Variants in TNFSF11 observed in about 807,000 individuals in gnomAD.
TNFSF11 encodes tumor necrosis factor ligand superfamily member 11.
Under a neutral mutation model 32.2 loss-of-function variants are expected in TNFSF11, and 12 were observed. The ratio of observed to expected loss-of-function variants is 0.37; its 90% CI spans 0.24 to 0.60. TNFSF11 has a LOEUF of 0.60. Among genes scored for constraint, TNFSF11 ranks in the 20% least tolerant of loss-of-function variants. The pLI is 0.66. For synonymous variants in TNFSF11, 172 were observed against 152.1 expected (o/e 1.13, Z -0.96); for missense variants, 345 against 398.0 (o/e 0.87, Z 1.13).
At chr13:42,599,795 C>T (rs1166081464) in intron 2 of TNFSF11, among the ~76,000 whole-genome samples, 2 of 152,146 alleles carry the variant, frequency 1.3e-5, no homozygotes, top group Non-Finnish European at 2.9e-5. Flanking sequence ...ATCTTGAACT[C>T]CTGACCTCAA....
intron 1 of TNFSF11, among the ~76,000 whole-genome samples, chr13:42,565,615 T>TA (rs1314515179): frequency 6.6e-6 from 1 of 152,324 alleles, no homozygotes; most frequent in East Asian, 1.9e-4. Flanking sequence ...AATTACAAGT[T>TA]ATTCTTATGT....
upstream of TNFSF11, among the ~76,000 whole-genome samples, chr13:42,572,205 G>T (rs573652612): frequency 6.6e-6 from 1 of 152,090 alleles, no homozygotes; most frequent in Non-Finnish European, 1.5e-5. Flanking sequence ...TGTAACATAC[G>T]GTCCCATATA....
intron 1 of TNFSF11, among the ~76,000 whole-genome samples, chr13:42,563,520 G>T (rs920778498): frequency 6.6e-6 from 1 of 152,098 alleles, no homozygotes; most frequent in Non-Finnish European, 1.5e-5. Flanking sequence ...AAAATTAGCT[G>T]GGTGTGGTGG....
intron 2 of TNFSF11, among the ~76,000 whole-genome samples, chr13:42,590,252 G>A (rs1174593781): frequency 1.3e-5 from 2 of 152,260 alleles, no homozygotes; most frequent in African/African-American, 4.8e-5. Flanking sequence ...GTGGCGAGTT[G>A]TTTAATATTG....
intron 1 of TNFSF11, among the ~76,000 whole-genome samples, chr13:42,580,857 C>A (rs545186927): frequency 6.6e-6 from 1 of 152,170 alleles, no homozygotes; most frequent in Non-Finnish European, 1.5e-5. Context: ...CAATTTCCCC[C>A]ATGAATCACG....
chr13:42,569,092 G>A (rs73174423), intron 2 of TNFSF11, among the ~76,000 whole-genome samples: 3 of 152,076 alleles, frequency 2.0e-5, no homozygotes, highest in African/African-American at 4.8e-5. Context: ...AACGCCCTCC[G>A]CCACGAAGGA....
chr13:42,578,995 A>G (rs1873455488), intron 1 of TNFSF11, among the ~76,000 whole-genome samples: 1 of 152,322 alleles, frequency 6.6e-6, no homozygotes, highest in African/African-American at 2.4e-5. Flanking sequence ...ATCTAGTTAA[A>G]ATGCATATTC....
At chr13:42,569,556 AAAAAAG>A (rs199614241), upstream of TNFSF11, among the ~76,000 whole-genome samples, 44,002 of 138,532 alleles carry the variant, frequency 0.32, 7,045 homozygotes, top group Non-Finnish European at 0.39. Flanking sequence ...TCAAAAAAAA[AAAAAAG>A]AAAAGAAAAG....
rs1873801503 is a variant in TNFSF11, at chr13:42,584,767, G to A, written c.387+3474G>A. On this transcript the variant is annotated intron_variant, in intron 2 of 4. Transcript: ENST00000398795. ...CTTAATTATACTGATAGGTTATTAT[G>A]ACTCACAGGATGAGTAGAACTTTAT... Among the ~76,000 whole-genome samples, 4 of 152,324 alleles carry A rather than the reference G, an allele frequency of 2.6e-5. No individual in the cohort carries two copies. In the South Asian group the frequency reaches 8.3e-4, roughly 32 times the overall value.
At chr13:42,579,636 A>C (rs1370486116) in intron 1 of TNFSF11, among the ~76,000 whole-genome samples, 2 of 146,596 alleles carry the variant, frequency 1.4e-5, no homozygotes, top group African/African-American at 5.0e-5. Flanking sequence ...GTCTAAACCC[A>C]GTGACCCTTC....
At chr13:42,594,923 T>A (rs1366245957) in intron 2 of TNFSF11, among the ~76,000 whole-genome samples, 1 of 151,322 alleles carries the variant, frequency 6.6e-6, no homozygotes, top group African/African-American at 2.4e-5. Flanking sequence ...AGCATTTTTT[T>A]ATGAGTTAAA....
upstream of TNFSF11, among the ~76,000 whole-genome samples, chr13:42,572,030 A>T (rs1873087247): frequency 6.6e-6 from 1 of 152,206 alleles, no homozygotes; most frequent in African/African-American, 2.4e-5. Flanking sequence ...GTGAATGTTG[A>T]CAAAGGAATA....
chr13:42,563,016 G>A (rs1872726852), intron 1 of TNFSF11: 1 of 152,224 alleles, frequency 6.6e-6, no homozygotes, highest in African/African-American at 2.4e-5. Context: ...CAGCTAGGGA[G>A]AGGGAGTTTC....
intron 4 of TNFSF11, among the ~76,000 whole-genome samples, chr13:42,604,952 T>C (rs1594482923): frequency 6.6e-6 from 1 of 152,144 alleles, no homozygotes; most frequent in East Asian, 1.9e-4. Context: ...CCCAGCTAAT[T>C]TTTTGTATTT....
At position 42,607,206 on chromosome 13, in the gene TNFSF11, G is replaced by T; in HGVS notation, c.*288G>T. 5.7e-6 allele frequency: 2 copies of T among 353,682 alleles called. No homozygotes were observed. The highest frequency in any genetic ancestry group is 6.6e-5 in the South Asian group (2 of 30,392). The allele number at this position is 353,682 out of a possible 1,614,324, so 21.9% of individuals were successfully genotyped here. ...GGTGACCTTATGAGAAACTGCATGTGGGCTATGGGAGGGGTTGGTCCCTGG... is the reference window on the plus strand; with the variant it reads ...GGTGACCTTATGAGAAACTGCATGTTGGCTATGGGAGGGGTTGGTCCCTGG... On this transcript the variant is annotated 3_prime_UTR_variant, in exon 5 of 5. Transcript: ENST00000398795.
At chr13:42,596,412 G>A (rs1231306801) in intron 2 of TNFSF11, among the ~76,000 whole-genome samples, 1 of 152,162 alleles carries the variant, frequency 6.6e-6, no homozygotes, top group Non-Finnish European at 1.5e-5. Context: ...CAGAGTTACT[G>A]CTTCAGGGAG....
chr13:42,607,018 G>A lies in TNFSF11; in HGVS notation c.*100G>A. On this transcript the variant is annotated 3_prime_UTR_variant, in exon 5 of 5. Coordinates refer to ENST00000398795, the MANE Select transcript of TNFSF11 (RefSeq NM_003701.4). Reference sequence around the variant, plus strand: ...TATAGGTGTGTGAGACTACTAAGAGGCATGGCCCCAACGGTACACGACTCA... The same window carrying A: ...TATAGGTGTGTGAGACTACTAAGAGACATGGCCCCAACGGTACACGACTCA... 2.7e-6 allele frequency: 4 copies of A among 1,482,546 alleles called. No homozygotes were observed. Among genetic ancestry groups the A allele is most frequent in the Non-Finnish European group, 3.7e-6 (4 of 1,072,222 alleles). The allele number at this position is 1,482,546 out of a possible 1,614,324, so 91.8% of individuals were successfully genotyped here. A position where few individuals can be genotyped will look rare whatever the true frequency, so the allele number is the denominator to read the frequency against.
intron 2 of TNFSF11, 53 bp from the exon 3 acceptor site, chr13:42,600,699 C>T (rs1869122786): frequency 2.0e-6 from 3 of 1,536,072 alleles, no homozygotes; most frequent in Admixed American, 3.7e-5. Flanking sequence ...ATTCTTATTG[C>T]TTTACAGAAA....
intron 4 of TNFSF11, among the ~76,000 whole-genome samples, chr13:42,603,161 T>TACAC (rs1251629342): frequency 6.6e-6 from 1 of 152,220 alleles, no homozygotes. Context: ...TATACTTACT[T>TACAC]ACACAAGTAA....
Sources: allele counts gnomAD v4.1 joint callset (sites outside exome capture counted in the v4.1 genomes callset), GRCh38; gene constraint gnomAD v4.1.1; transcripts MANE v1.5; gene names NCBI Gene and HGNC (gene_info 2026-07-23, HGNC 2026-07-21).